Variants in VIT observed in about 807,000 individuals in gnomAD.
VIT encodes the protein vitrin.
VIT carries 99 observed loss-of-function variants against 78.0 expected under a neutral mutation model. That is an observed-to-expected ratio of 1.27 (90% CI 1.08 to 1.50). The LOEUF is 1.50. Among genes scored for constraint, VIT ranks in the 40% most tolerant of loss-of-function variants. The pLI is 0.00. For synonymous variants in VIT, 374 were observed against 334.3 expected (o/e 1.12, Z -1.29); for missense variants, 1,126 against 875.3 (o/e 1.29, Z -3.61).
In VIT at chr2:36,814,408, G is replaced by A. The variant is rs375505280; in HGVS notation, c.*47G>A. ...AGCAAGTGCTGCTTTACTAACTGAC[G>A]TGTTGGACCACCCCACCGCTTAATG... On this transcript the variant is annotated 3_prime_UTR_variant, in exon 16 of 16. Coordinates refer to ENST00000379242, the MANE Select transcript of VIT (RefSeq NM_053276.4). The A allele has an allele frequency of 1.2e-5, 19 of 1,604,440 alleles. No individual in the cohort carries two copies. Among genetic ancestry groups the A allele is most frequent in the Middle Eastern group, 3.3e-4 (2 of 6,052 alleles).
chr2:36,794,146 C>T (rs1572551815), intron 12 of VIT, among the ~76,000 whole-genome samples: 1 of 152,196 alleles, frequency 6.6e-6, no homozygotes, highest in Non-Finnish European at 1.5e-5. Flanking sequence ...ACCCTTGCAG[C>T]GTAGCCATTT....
intron 4 of VIT, among the ~76,000 whole-genome samples, chr2:36,754,011 C>A (rs1035579800): frequency 3.3e-5 from 5 of 152,194 alleles, no homozygotes; most frequent in African/African-American, 4.8e-5. Flanking sequence ...TTCCACTCCA[C>A]AACTCAGGTA....
chr2:36,814,443 C>G lies in VIT; in HGVS notation c.*82C>G, dbSNP rs1005421878. On this transcript the variant is annotated 3_prime_UTR_variant, in exon 16 of 16. Transcript: ENST00000379242. Reference sequence around the variant, plus strand: ...ACCCCACCGCTTAATGGGGCACGCACGGTGCATCAAGTCTTGGGCAGGGCA... The same window carrying G: ...ACCCCACCGCTTAATGGGGCACGCAGGGTGCATCAAGTCTTGGGCAGGGCA... 2.7e-6 allele frequency: 4 copies of G among 1,507,634 alleles called. No individual in the cohort carries two copies. The African/African-American group carries it at 4.1e-5, about 16-fold the overall frequency. 93.4% of individuals were successfully genotyped at this position (1,507,634 alleles called of 1,614,324 possible). A position where few individuals can be genotyped will look rare whatever the true frequency, so the allele number is the denominator to read the frequency against.
chr2:36,746,310 G>A (rs999318923), intron 4 of VIT, among the ~76,000 whole-genome samples: 2 of 152,060 alleles, frequency 1.3e-5, no homozygotes. Context: ...TCAGGATGAT[G>A]TTGGCTTCTT....
chr2:36,703,882 G>A (rs1665226342), intron 1 of VIT, among the ~76,000 whole-genome samples: 1 of 149,818 alleles, frequency 6.7e-6, no homozygotes, highest in Admixed American at 6.7e-5. Context: ...GTAAGCTTGG[G>A]CAGGTTTTTT....
chr2:36,803,162 C>G (rs1666453009), intron 13 of VIT, among the ~76,000 whole-genome samples: 1 of 152,198 alleles, frequency 6.6e-6, no homozygotes, highest in Non-Finnish European at 1.5e-5. Flanking sequence ...CCGCCCCAAA[C>G]CACTGCAGCT....
chr2:36,808,570 T>TGACC lies in VIT; in HGVS notation c.1490_1493dup (p.Leu499ProfsTer13), dbSNP rs1434070488. ...CTCTGGTGAAGCGGGTCTGCGACAC[T>TGACC]GACCGCCTGGCCTGCAGCAAGACCT... On this transcript the variant is annotated frameshift_variant, in exon 15 of 16. Coordinates refer to ENST00000379242, the MANE Select transcript of VIT (RefSeq NM_053276.4). LOFTEE classifies it high-confidence loss of function. 1 of 1,614,026 alleles carries TGACC rather than the reference T, an allele frequency of 6.2e-7. No individual in the cohort carries two copies. The highest frequency in any genetic ancestry group is 1.3e-5 in the African/African-American group (1 of 74,926).
At chr2:36,710,308 T>C (rs1665722472) in intron 1 of VIT, among the ~76,000 whole-genome samples, 1 of 152,208 alleles carries the variant, frequency 6.6e-6, no homozygotes, top group Non-Finnish European at 1.5e-5. Context: ...CTCCTTCCCG[T>C]CTCTGATCAC....
At chr2:36,750,060 T>C (rs560028573) in intron 4 of VIT, among the ~76,000 whole-genome samples, 2 of 152,262 alleles carry the variant, frequency 1.3e-5, no homozygotes, top group Admixed American at 6.5e-5. Context: ...AAAAGCTCTA[T>C]TAAGGATAAG....
At chr2:36,763,396 T>C (rs1669236053) in intron 6 of VIT, among the ~76,000 whole-genome samples, 1 of 152,096 alleles carries the variant, frequency 6.6e-6, no homozygotes, top group South Asian at 2.1e-4. Context: ...ATAAAAATCT[T>C]TGAAAAAAGA....
At chr2:36,706,935 G>C (rs1665464659) in intron 1 of VIT, among the ~76,000 whole-genome samples, 1 of 152,086 alleles carries the variant, frequency 6.6e-6, no homozygotes, top group Admixed American at 6.5e-5. Context: ...TTGGAGACCT[G>C]GGCTCTGTGA....
At chr2:36,801,676 C>G (rs540213531) in intron 13 of VIT, among the ~76,000 whole-genome samples, 6 of 150,148 alleles carry the variant, frequency 4.0e-5, no homozygotes, top group African/African-American at 1.5e-4. Flanking sequence ...GGTGTGGTGG[C>G]GGGTGCCTAT....
intron 12 of VIT, among the ~76,000 whole-genome samples, chr2:36,790,722 C>T (rs1222778918): frequency 6.6e-6 from 1 of 152,212 alleles, no homozygotes; most frequent in East Asian, 1.9e-4. Context: ...GCAGAGATTT[C>T]GCTCATCTGC....
At chr2:36,798,520 G>C (rs567505665) in intron 12 of VIT, among the ~76,000 whole-genome samples, 1 of 152,304 alleles carries the variant, frequency 6.6e-6, no homozygotes, top group South Asian at 2.1e-4. Context: ...ACTTTGGGAG[G>C]CCAAGGCAGA....
At chr2:36,742,639 A>G (rs541474795) in intron 3 of VIT, among the ~76,000 whole-genome samples, 31 of 152,100 alleles carry the variant, frequency 2.0e-4, no homozygotes, top group Non-Finnish European at 3.8e-4. Context: ...TGGAGTCCCT[A>G]CCCACAAGCC....
intron 6 of VIT, among the ~76,000 whole-genome samples, chr2:36,760,156 G>A (rs1004979256): frequency 5.3e-5 from 8 of 151,894 alleles, no homozygotes; most frequent in Non-Finnish European, 1.0e-4. Flanking sequence ...CACCACGCCC[G>A]GCTAATAGTT....
chr2:36,742,287 C>T (rs1572455106), intron 3 of VIT, among the ~76,000 whole-genome samples: 1 of 152,182 alleles, frequency 6.6e-6, no homozygotes, highest in South Asian at 2.1e-4. Context: ...CTTTCAGCTT[C>T]AGCAAACTTG....
At chr2:36,811,377 G>A (rs1296289927) in intron 15 of VIT, among the ~76,000 whole-genome samples, 5 of 152,198 alleles carry the variant, frequency 3.3e-5, no homozygotes, top group African/African-American at 1.2e-4. Flanking sequence ...GCCTCAATCA[G>A]AGGGTATCCT....
chr2:36,763,868 C>T (rs548541706), intron 6 of VIT, among the ~76,000 whole-genome samples: 9 of 152,136 alleles, frequency 5.9e-5, no homozygotes, highest in South Asian at 2.1e-4. Context: ...GGATTACAGG[C>T]GTCTATCTTC....
Sources: gnomAD v4.1 joint callset for allele counts (sites outside exome capture counted in the v4.1 genomes callset) on GRCh38, gnomAD v4.1.1 for gene constraint, MANE v1.5 for transcripts, NCBI Gene and HGNC (gene_info 2026-07-23, HGNC 2026-07-21) for gene names.